Variants in FHIT observed in about 807,000 individuals in gnomAD.
FHIT encodes the protein bis(5'-adenosyl)-triphosphatase.
A neutral mutation model predicts 17.9 loss-of-function variants in FHIT; 19 were observed. The observed-to-expected ratio is 1.06, with a 90% CI of 0.74 to 1.56. The LOEUF (loss-of-function observed/expected upper bound fraction) is 1.56, where lower values mean the gene tolerates loss of function less well. Ranked by LOEUF, FHIT falls within the 40% of genes most tolerant of loss-of-function variation. The probability of loss-of-function intolerance (pLI) is 0.00; values close to 1 mark genes in which losing one functional copy is unlikely to be tolerated. For missense variants in FHIT, 248 were observed against 189.2 expected (o/e 1.31, Z -1.82); for synonymous variants, 81 against 69.7 (o/e 1.16, Z -0.81).
intron 5 of FHIT, among the ~76,000 whole-genome samples, chr3:60,093,456 G>A (rs1703812051): frequency 6.6e-6 from 1 of 152,110 alleles, no homozygotes; most frequent in Admixed American, 6.5e-5. Context: ...TTTAACATCA[G>A]CTATTGAGCA....
intron 5 of FHIT, among the ~76,000 whole-genome samples, chr3:60,402,994 C>G (rs6808129): frequency 0.3 from 45,299 of 152,060 alleles, 6,983 homozygotes; most frequent in East Asian, 0.47. Flanking sequence ...ATTCTTATTT[C>G]ACAGAGATAC....
At chr3:60,863,130 G>A (rs1479240350) in intron 3 of FHIT, among the ~76,000 whole-genome samples, 1 of 152,158 alleles carries the variant, frequency 6.6e-6, no homozygotes, top group African/African-American at 2.4e-5. Flanking sequence ...GAAAGAAAAA[G>A]ATAAGATGAA....
intron 5 of FHIT, among the ~76,000 whole-genome samples, chr3:60,386,793 G>A (rs926891868): frequency 1.3e-5 from 2 of 152,164 alleles, no homozygotes; most frequent in Non-Finnish European, 2.9e-5. Flanking sequence ...CGTTCCAGAC[G>A]ATATGTGGTA....
chr3:59,832,448 GC>G (rs1156719536), intron 8 of FHIT, among the ~76,000 whole-genome samples: 3 of 152,084 alleles, frequency 2.0e-5, no homozygotes, highest in African/African-American at 7.2e-5. Context: ...ACATTGTCTG[GC>G]TTGGTTATGT....
chr3:60,141,197 T>TA lies in FHIT; in HGVS notation c.104-127046dup, dbSNP rs1347639149. On this transcript the variant is annotated intron_variant, in intron 5 of 9. Transcript: ENST00000492590. ...GGACATTCTTAAGAGAATTAAAACA[T>TA]AATAAGCCCTCTCCCTGTCTAAATG... is the stretch of plus-strand genomic sequence containing the variant. Among the ~76,000 whole-genome samples, 14 of 152,158 alleles carry TA rather than the reference T, an allele frequency of 9.2e-5. No individual in the cohort carries two copies. In the East Asian group the frequency reaches 2.3e-3, roughly 25 times the overall value.
At chr3:60,573,645 C>A (rs1227743776) in intron 4 of FHIT, among the ~76,000 whole-genome samples, 1 of 152,118 alleles carries the variant, frequency 6.6e-6, no homozygotes, top group Non-Finnish European at 1.5e-5. Context: ...CTGCTGCTCT[C>A]AGGAAAGGGG....
intron 5 of FHIT, among the ~76,000 whole-genome samples, chr3:60,094,048 G>A (rs76752768): frequency 0.08 from 12,157 of 151,988 alleles, 516 homozygotes; most frequent in East Asian, 0.12. Context: ...TGTGCTCTCA[G>A]AGCCCCCAGA....
At chr3:60,552,353 T>A (rs1009042322) in intron 4 of FHIT, among the ~76,000 whole-genome samples, 3 of 152,212 alleles carry the variant, frequency 2.0e-5, no homozygotes, top group Non-Finnish European at 4.4e-5. Context: ...AGAGTGAAAC[T>A]GCTGGATCAT....
chr3:60,008,733 G>A (rs1300840636), intron 7 of FHIT, among the ~76,000 whole-genome samples: 2 of 152,226 alleles, frequency 1.3e-5, no homozygotes, highest in Non-Finnish European at 2.9e-5. Flanking sequence ...ATGTGCAACT[G>A]TGTGAATTCC....
chr3:60,185,932 T>C (rs9876685), intron 5 of FHIT, among the ~76,000 whole-genome samples: 6,382 of 152,290 alleles, frequency 0.042, 235 homozygotes, highest in South Asian at 0.12. Flanking sequence ...ATATGTACGT[T>C]TTCCATCTGC....
intron 7 of FHIT, among the ~76,000 whole-genome samples, chr3:59,948,232 CAGT>C (rs1180652093): frequency 6.6e-6 from 1 of 151,440 alleles, no homozygotes; most frequent in Non-Finnish European, 1.5e-5. Flanking sequence ...CGGCCAGGCG[CAGT>C]AGATCACACA....
intron 7 of FHIT, among the ~76,000 whole-genome samples, chr3:59,974,417 T>A (rs997252113): frequency 1.3e-5 from 2 of 152,186 alleles, no homozygotes; most frequent in African/African-American, 4.8e-5. Flanking sequence ...ACCTACCTAC[T>A]GGCTTCAGCA....
At chr3:60,338,656 C>A (rs1267198055) in intron 5 of FHIT, among the ~76,000 whole-genome samples, 2 of 152,112 alleles carry the variant, frequency 1.3e-5, no homozygotes, top group Admixed American at 1.3e-4. Flanking sequence ...TAGATGTTGC[C>A]TGAGAAAGAT....
At chr3:60,745,630 G>A (rs73836104) in intron 4 of FHIT, among the ~76,000 whole-genome samples, 1 of 152,094 alleles carries the variant, frequency 6.6e-6, no homozygotes, top group African/African-American at 2.4e-5. Flanking sequence ...AGACCTCCTA[G>A]GTCACAGGTG....
At chr3:60,714,034 A>G (rs1331320228) in intron 4 of FHIT, among the ~76,000 whole-genome samples, 2 of 152,200 alleles carry the variant, frequency 1.3e-5, no homozygotes, top group African/African-American at 4.8e-5. Flanking sequence ...AAAATCCTCA[A>G]TAAAATACTG....
chr3:60,318,056 T>G (rs887028442), intron 5 of FHIT, among the ~76,000 whole-genome samples: 7 of 152,112 alleles, frequency 4.6e-5, no homozygotes, highest in Admixed American at 1.3e-4. Context: ...CCTCCCAAAG[T>G]GCTGGGATTA....
chr3:61,033,095 G>A lies in FHIT; in HGVS notation c.-111+8952C>T, dbSNP rs913771858. ...GTGATGCTCAGTCGCCTTGATGAGG[G>A]TGACTTTTACTTAGTCTGCTGATTC... On this transcript the variant is annotated intron_variant, in intron 3 of 9. Transcript: ENST00000492590. Among the ~76,000 whole-genome samples, 11 of 152,322 alleles carry A rather than the reference G, an allele frequency of 7.2e-5. No individual in the cohort carries two copies. The East Asian group carries it at 1.9e-3, about 27-fold the overall frequency.
At chr3:60,713,460 A>C (rs1348273595) in intron 4 of FHIT, among the ~76,000 whole-genome samples, 1 of 150,164 alleles carries the variant, frequency 6.7e-6, no homozygotes, top group Non-Finnish European at 1.5e-5. Flanking sequence ...AGACACAAAA[A>C]ACCCTTCAAA....
chr3:60,447,446 C>A (rs1376928015), intron 5 of FHIT, among the ~76,000 whole-genome samples: 1 of 152,102 alleles, frequency 6.6e-6, no homozygotes, highest in Non-Finnish European at 1.5e-5. Flanking sequence ...TGATAATACA[C>A]ATATTCTATT....
Sources: gnomAD v4.1 joint callset for allele counts (sites outside exome capture counted in the v4.1 genomes callset) on GRCh38, gnomAD v4.1.1 for gene constraint, MANE v1.5 for transcripts, NCBI Gene and HGNC (gene_info 2026-07-23, HGNC 2026-07-21) for gene names.